Variants in TRIP12 observed in about 807,000 individuals in gnomAD.
TRIP12 encodes thyroid hormone receptor interactor 12, also known as E3 ubiquitin-protein ligase TRIP12.
TRIP12 carries 25 observed loss-of-function variants against 244.2 expected under a neutral mutation model. The ratio of observed to expected loss-of-function variants is 0.10; its 90% CI spans 0.07 to 0.14. The LOEUF (loss-of-function observed/expected upper bound fraction) is 0.14. Among genes scored for constraint, TRIP12 ranks in the 10% least tolerant of loss-of-function variants. The pLI is 1.00. For synonymous variants in TRIP12, 905 were observed against 873.1 expected (o/e 1.04, Z -0.64); for missense variants, 1,677 against 2,486.4 (o/e 0.67, Z 6.92).
chr2:229,902,375 G>A (rs574941395), intron 1 of TRIP12, among the ~76,000 whole-genome samples: 13 of 151,776 alleles, frequency 8.6e-5, no homozygotes, highest in Non-Finnish European at 1.5e-4. Flanking sequence ...GCGAGACTTC[G>A]TCCTCCCCCC....
At chr2:229,838,105 AC>A (rs1267075904) in intron 5 of TRIP12, among the ~76,000 whole-genome samples, 1 of 152,360 alleles carries the variant, frequency 6.6e-6, no homozygotes, top group East Asian at 1.9e-4. Flanking sequence ...AGAAGCAGGC[AC>A]AACTGACCTA....
intron 1 of TRIP12, among the ~76,000 whole-genome samples, chr2:229,885,649 T>A (rs758410361): frequency 1.3e-5 from 2 of 152,252 alleles, no homozygotes; most frequent in Non-Finnish European, 2.9e-5. Flanking sequence ...GAAGTCATTC[T>A]TGCCTACCTA....
chr2:229,849,643 G>A (rs192120225), intron 4 of TRIP12, among the ~76,000 whole-genome samples: 196 of 152,022 alleles, frequency 1.3e-3, no homozygotes, highest in Admixed American at 3.5e-3. Context: ...TAGGAGGATC[G>A]CTTGAGTCCA....
chr2:229,830,875 G>T, intron 6 of TRIP12, 36 bp from the exon 7 acceptor site: 5 of 1,596,714 alleles, frequency 3.1e-6, no homozygotes, highest in Non-Finnish European at 4.3e-6. Context: ...GTTAGGAGGA[G>T]CACTTAAACA....
At chr2:229,856,486 T>A (rs773175123) in intron 4 of TRIP12, among the ~76,000 whole-genome samples, 1 of 152,106 alleles carries the variant, frequency 6.6e-6, no homozygotes, top group Non-Finnish European at 1.5e-5. Flanking sequence ...ACAGACTATA[T>A]AAAGAAAAGA....
intron 41 of TRIP12, 124 bp from the exon 42 acceptor site, chr2:229,767,874 C>A: frequency 1.0e-6 from 1 of 962,710 alleles, no homozygotes; most frequent in Non-Finnish European, 1.5e-6. Context: ...TTGGCAATTG[C>A]ACATTCAATA....
chr2:229,904,902 C>T lies in TRIP12; in HGVS notation c.-50+16978G>A, dbSNP rs184976061. 7.3e-3 allele frequency among the ~76,000 whole-genome samples: 1,116 copies of T among 152,242 alleles called. 9 individuals carry two copies. Among genetic ancestry groups the T allele is most frequent in the South Asian group, 0.013 (62 of 4,822 alleles). ...TACCATACTAATGTTAAAATTTTCA[C>T]AAACAGAAACTGGATGTGGAGTATA... is the stretch of plus-strand genomic sequence containing the variant. On this transcript the variant is annotated intron_variant, in intron 1 of 41. Coordinates refer to ENST00000675903, the MANE Select transcript of TRIP12 (RefSeq NM_001348323.3).
At chr2:229,876,087 G>A (rs908600530) in intron 2 of TRIP12, among the ~76,000 whole-genome samples, 9 of 151,958 alleles carry the variant, frequency 5.9e-5, no homozygotes, top group African/African-American at 1.7e-4. Context: ...CAGCCTGGCC[G>A]ACATAGTGAA....
intron 1 of TRIP12, among the ~76,000 whole-genome samples, chr2:229,896,013 T>C (rs1039220696): frequency 1.3e-5 from 2 of 151,854 alleles, no homozygotes; most frequent in African/African-American, 4.8e-5. Flanking sequence ...AATAATAAAA[T>C]AAAACATTCT....
chr2:229,801,394 T>G (rs1276394658), intron 21 of TRIP12, among the ~76,000 whole-genome samples: 1 of 152,192 alleles, frequency 6.6e-6, no homozygotes, highest in African/African-American at 2.4e-5. Context: ...CTGAGTTGGC[T>G]GCCTGCACAA....
At chr2:229,920,368 C>T (rs1197274867) in intron 1 of TRIP12, among the ~76,000 whole-genome samples, 1 of 152,070 alleles carries the variant, frequency 6.6e-6, no homozygotes, top group Non-Finnish European at 1.5e-5. Context: ...GATCTGGCAG[C>T]CCAGGCAAGA....
At position 229,778,355 on chromosome 2, in the gene TRIP12, GT is replaced by G. The variant is rs1321908899; in HGVS notation, c.5364+77del. The G allele has an allele frequency of 2.6e-6, 4 of 1,539,382 alleles. No individual in the cohort carries two copies. Among genetic ancestry groups the G allele is most frequent in the Non-Finnish European group, 3.5e-6 (4 of 1,127,120 alleles). On this transcript the variant is annotated intron_variant, in intron 36 of 41. Transcript: ENST00000675903. The surrounding 1 kb of genome is among the most constrained non-coding windows in gnomAD (Gnocchi z 4.1). Reference sequence around the variant, plus strand: ...AGAAGCATTGCTCTAAACTATAGCAGTAAACTACAGGGGACTGAGGTACTTG... The same window carrying G: ...AGAAGCATTGCTCTAAACTATAGCAGAAACTACAGGGGACTGAGGTACTTG...
intron 17 of TRIP12, 40 bp downstream of exon 17, chr2:229,807,668 A>G: frequency 6.2e-7 from 1 of 1,613,666 alleles, no homozygotes; most frequent in Non-Finnish European, 8.5e-7. Context: ...CCACTCTCCA[A>G]CAAAATAGAC....
chr2:229,821,979 A>C lies in TRIP12; in HGVS notation c.1451-3467T>G, dbSNP rs950175686. On this transcript the variant is annotated intron_variant, in intron 8 of 41. Transcript: ENST00000675903. ...GCATGGTGAAACGCTGTTTCTACTAAAAATACAAAAATTAGCCGGGCGCGG... is the reference window on the plus strand; with the variant it reads ...GCATGGTGAAACGCTGTTTCTACTACAAATACAAAAATTAGCCGGGCGCGG... 7.9e-5 allele frequency among the ~76,000 whole-genome samples: 12 copies of C among 152,304 alleles called. No homozygotes were observed. The South Asian group carries it at 8.3e-4, about 11-fold the overall frequency.
At chr2:229,833,541 G>A (rs1032076125) in intron 6 of TRIP12, among the ~76,000 whole-genome samples, 2 of 151,960 alleles carry the variant, frequency 1.3e-5, no homozygotes, top group East Asian at 1.9e-4. Context: ...CACCTGCCTC[G>A]GCCTCTGAAT....
At chr2:229,808,551 A>G (rs897833116) in intron 15 of TRIP12, among the ~76,000 whole-genome samples, 182 bp from the exon 16 acceptor site, 2 of 152,256 alleles carry the variant, frequency 1.3e-5, no homozygotes. Context: ...AAATTTGTGT[A>G]GATTTTAACA....
chr2:229,824,456 C>G (rs2050946493), intron 8 of TRIP12, among the ~76,000 whole-genome samples: 1 of 152,014 alleles, frequency 6.6e-6, no homozygotes, highest in South Asian at 2.1e-4. Context: ...AGAAATCTAT[C>G]CAAAAGATAA....
At chr2:229,818,539 T>C (rs1475756275) in intron 8 of TRIP12, 27 bp from the exon 9 acceptor site, 2 of 1,591,996 alleles carry the variant, frequency 1.3e-6, no homozygotes, top group African/African-American at 1.4e-5. Context: ...AATTATTATC[T>C]TTAAACATTT....
intron 4 of TRIP12, among the ~76,000 whole-genome samples, chr2:229,841,341 A>G (rs2056382017): frequency 6.6e-6 from 1 of 152,202 alleles, no homozygotes; most frequent in African/African-American, 2.4e-5. Flanking sequence ...TAGTTTATAT[A>G]AGGCTCATCA....
Sources: allele counts gnomAD v4.1 joint callset (sites outside exome capture counted in the v4.1 genomes callset), GRCh38; gene constraint gnomAD v4.1.1; non-coding constraint Gnocchi (gnomAD v3.1); transcripts MANE v1.5; gene names NCBI Gene and HGNC (gene_info 2026-07-23, HGNC 2026-07-21).